The following SPINK5 variants were observed in gnomAD, a reference collection of about 807,000 sequenced individuals.
The protein encoded by SPINK5 is serine protease inhibitor Kazal-type 5.
Under a neutral mutation model 151.8 loss-of-function variants are expected in SPINK5, and 125 were observed. That is an observed-to-expected ratio of 0.82 (90% CI 0.71 to 0.96). The LOEUF is 0.96. SPINK5 is among the 40% of genes least tolerant of loss of function. The probability of loss-of-function intolerance (pLI) is 0.00; values close to 1 mark genes in which losing one functional copy is unlikely to be tolerated. For missense variants in SPINK5, 1,194 were observed against 1,291.9 expected (o/e 0.92, Z 1.16); for synonymous variants, 374 against 395.3 (o/e 0.95, Z 0.64).
intron 11 of SPINK5, 31 bp downstream of exon 11, chr5:148,098,025 A>C: frequency 6.2e-7 from 1 of 1,602,148 alleles, no homozygotes; most frequent in Non-Finnish European, 8.5e-7. Flanking sequence ...TGTCAAAGAA[A>C]GAAGGGATCT....
At position 148,064,057 on chromosome 5, in the gene SPINK5, A is replaced by G; in HGVS notation, c.13A>G (p.Thr5Ala). Residue 5 changes from threonine to alanine, a missense_variant, in exon 1 of 33, where the codon ACA becomes GCA. Thr to Ala is a moderately conservative substitution (Grantham distance 58, BLOSUM62 0). Transcript: ENST00000256084. MKIA[T>A]VSVLLPLALC... ...CATCGTCTTCAACATGAAGATAGCC[A>G]CAGTGTCAGTGCTTCTGCCCTTGGC... 6.2e-7 allele frequency: 1 copy of G among 1,614,198 alleles called. No individual in the cohort carries two copies. Among genetic ancestry groups the G allele is most frequent in the Non-Finnish European group, 8.5e-7 (1 of 1,180,042 alleles).
At chr5:148,129,141 G>A (rs73271171) in intron 30 of SPINK5, among the ~76,000 whole-genome samples, 1 of 152,086 alleles carries the variant, frequency 6.6e-6, no homozygotes, top group Non-Finnish European at 1.5e-5. Context: ...ATAGCAAAGC[G>A]TTTAGTGTTG....
rs771374840 is a variant in SPINK5, at chr5:148,108,716, A to C, written c.1608-37A>C. The C allele has an allele frequency of 8.1e-6, 13 of 1,603,574 alleles. No individual in the cohort carries two copies. The East Asian group carries it at 2.9e-4, about 36-fold the overall frequency. ...AAATGTACTACCAAAAAGAGTAGGGAATCATATTCAGCCTATATCTTCTTT... is the reference window on the plus strand; with the variant it reads ...AAATGTACTACCAAAAAGAGTAGGGCATCATATTCAGCCTATATCTTCTTT... On this transcript the variant is annotated intron_variant, in intron 17 of 32. Coordinates refer to ENST00000256084, the MANE Select transcript of SPINK5 (RefSeq NM_006846.4).
chr5:148,098,388 T>C (rs1159609284), intron 11 of SPINK5, among the ~76,000 whole-genome samples: 1 of 152,106 alleles, frequency 6.6e-6, no homozygotes, highest in Non-Finnish European at 1.5e-5. Flanking sequence ...GAAACAACAC[T>C]AAACTCCTAT....
At chr5:148,070,502 T>C in intron 3 of SPINK5, 52 bp downstream of exon 3, 1 of 1,605,060 alleles carries the variant, frequency 6.2e-7, no homozygotes, top group Non-Finnish European at 8.5e-7. Context: ...ACAGCTAGTC[T>C]CTGAACTGGT....
chr5:148,131,362 A>G lies in SPINK5; in HGVS notation c.3068A>G (p.Asn1023Ser). The part of the protein sequence containing the change: ...VCGDDGQTYN[N>S]PCMLCHENLI... ...GGTGACGATGGCCAAACCTACAACAATCCTTGCATGCTCTGTCATGAAAAC... is the reference window on the plus strand; with the variant it reads ...GGTGACGATGGCCAAACCTACAACAGTCCTTGCATGCTCTGTCATGAAAAC... Residue 1023 changes from asparagine to serine, a missense_variant, in exon 31 of 33, where the codon AAT becomes AGT. By Grantham distance (46) the Asn-to-Ser change is conservative. Transcript: ENST00000256084. 6.2e-7 allele frequency: 1 copy of G among 1,613,838 alleles called. No homozygotes were observed. Among genetic ancestry groups the G allele is most frequent in the South Asian group, 1.1e-5 (1 of 91,064 alleles).
intron 2 of SPINK5, among the ~76,000 whole-genome samples, chr5:148,066,057 A>G (rs904087948): frequency 1.3e-5 from 2 of 152,292 alleles, no homozygotes; most frequent in East Asian, 3.9e-4. Context: ...AAGGATAATC[A>G]GGGAAGTTCT....
At chr5:148,102,944 C>T (rs536570486) in intron 15 of SPINK5, among the ~76,000 whole-genome samples, 5 of 152,024 alleles carry the variant, frequency 3.3e-5, no homozygotes, top group Middle Eastern at 3.4e-3. Context: ...ATGGTATGGC[C>T]GGCCCTTCAA....
rs546693929 is a variant in SPINK5 at position 148,114,265 on chromosome 5, T to C, written c.1888-97T>C. 6.6e-5 allele frequency: 88 copies of C among 1,332,540 alleles called. No individual in the cohort carries two copies. In the African/African-American group the frequency reaches 1.4e-3, roughly 22 times the overall value. 82.5% of individuals were successfully genotyped at this position (1,332,540 alleles called of 1,614,324 possible). A position where few individuals can be genotyped will look rare whatever the true frequency, so the allele number is the denominator to read the frequency against. On this transcript the variant is annotated intron_variant, in intron 20 of 32. Transcript: ENST00000256084. The stretch of plus-strand genomic sequence containing the variant: ...GAAAAAAAATTCTCAGGTCATTTTC[T>C]CTCTCTTTTTTTTTTTTCTATAAAG...
intron 4 of SPINK5, among the ~76,000 whole-genome samples, chr5:148,085,803 G>A (rs931422603): frequency 1.3e-5 from 2 of 151,850 alleles, no homozygotes; most frequent in South Asian, 2.1e-4. Flanking sequence ...AACAATAAAT[G>A]GTTCTGTGTC....
Position 148,097,997 on chromosome 5 carries a change from G to A in SPINK5, c.1010+3G>A. 6.2e-7 allele frequency: 1 copy of A among 1,611,038 alleles called. No individual in the cohort carries two copies. The highest frequency in any genetic ancestry group is 8.5e-7 in the Non-Finnish European group (1 of 1,177,968). ...TGTTCCATGTGTCAAGCCTACTTGT[G>A]AGTATAGAGTTTTAGAATGTCAAAG... On this transcript the variant is annotated splice_donor_region_variant and intron_variant, in intron 11 of 32. Coordinates refer to ENST00000256084, the MANE Select transcript of SPINK5 (RefSeq NM_006846.4).
In SPINK5 at chr5:148,098,014, A is replaced by G. The variant is rs1439114517; in HGVS notation, c.1010+20A>G. 2 of 1,608,406 alleles carry G rather than the reference A, an allele frequency of 1.2e-6. No homozygotes were observed. The highest frequency in any genetic ancestry group is 8.5e-7 in the Non-Finnish European group (1 of 1,175,902). ...CTACTTGTGAGTATAGAGTTTTAGA[A>G]TGTCAAAGAAAGAAGGGATCTTGCA... is the stretch of plus-strand genomic sequence containing the variant. On this transcript the variant is annotated intron_variant, in intron 11 of 32. Transcript: ENST00000256084.
rs1268068282 is a variant in SPINK5, at chr5:148,107,083, T to C, written c.1526T>C (p.Ile509Thr). Reference sequence around the variant, plus strand: ...GACCAAGTGAGGAATGGAACACTTATATGCACCAGGGAGCATAATCCTGTC... The same window carrying C: ...GACCAAGTGAGGAATGGAACACTTACATGCACCAGGGAGCATAATCCTGTC... ...FRDQVRNGTL[I>T]CTREHNPVRG... Residue 509 changes from isoleucine (I) to threonine (T), a missense_variant, in exon 17 of 33, where the codon ATA (isoleucine) becomes ACA (threonine). Transcript: ENST00000256084. 2.5e-6 allele frequency: 4 copies of C among 1,613,338 alleles called. No individual in the cohort carries two copies. Among genetic ancestry groups the C allele is most frequent in the African/African-American group, 2.7e-5 (2 of 75,014 alleles).
At position 148,072,142 on chromosome 5, in the gene SPINK5, T is replaced by C. The variant is rs1337387762; in HGVS notation, c.210-6T>C. Reference sequence around the variant, plus strand: ...TTAAACTATGCTATTTCTTGTCCTTTTCCAGGGAAAAAGAAGCAAAATCAC... The same window carrying C: ...TTAAACTATGCTATTTCTTGTCCTTCTCCAGGGAAAAAGAAGCAAAATCAC... On this transcript the variant is annotated splice_region_variant and splice_polypyrimidine_tract_variant and intron_variant, in intron 3 of 32. Coordinates refer to ENST00000256084, the MANE Select transcript of SPINK5 (RefSeq NM_006846.4). The C allele has an allele frequency of 1.2e-6, 2 of 1,611,628 alleles. No individual in the cohort carries two copies. Among genetic ancestry groups the C allele is most frequent in the African/African-American group, 2.7e-5 (2 of 74,794 alleles).
intron 4 of SPINK5, among the ~76,000 whole-genome samples, chr5:148,082,583 AT>A (rs1214406728): frequency 1.4e-5 from 2 of 145,192 alleles, no homozygotes; most frequent in Non-Finnish European, 3.1e-5. Flanking sequence ...TTCTGCTTTT[AT>A]GAATGTTTTA....
In SPINK5 at chr5:148,104,937, T is replaced by C. The variant is rs1561691211; in HGVS notation, c.1431-15T>C. On this transcript the variant is annotated splice_polypyrimidine_tract_variant and intron_variant, in intron 15 of 32. Coordinates refer to ENST00000256084, the MANE Select transcript of SPINK5 (RefSeq NM_006846.4). ...AATCCATTTCTTCTCTCTTTTTCTT[T>C]TCGGTTTCTTAAAGTCAACAAGAAG... 1.2e-6 allele frequency: 2 copies of C among 1,609,622 alleles called. No individual in the cohort carries two copies. The highest frequency in any genetic ancestry group is 1.7e-6 in the Non-Finnish European group (2 of 1,178,298).
chr5:148,124,192 A>G (rs1581106932), intron 27 of SPINK5, among the ~76,000 whole-genome samples: 1 of 152,222 alleles, frequency 6.6e-6, no homozygotes, highest in Non-Finnish European at 1.5e-5. Context: ...CTTATCAGCT[A>G]GGTAACCTGG....
chr5:148,114,847 C>T (rs1296743616), intron 21 of SPINK5, among the ~76,000 whole-genome samples: 1 of 152,124 alleles, frequency 6.6e-6, no homozygotes, highest in Non-Finnish European at 1.5e-5. Context: ...AAAGTCCTTA[C>T]CTACATTGTT....
chr5:148,065,312 T>G, intron 1 of SPINK5, 35 bp from the exon 2 acceptor site: 1 of 1,606,696 alleles, frequency 6.2e-7, no homozygotes, highest in Non-Finnish European at 8.5e-7. Flanking sequence ...ATATTTTACA[T>G]TTCCTTAACT....
Sources: allele counts gnomAD v4.1 joint callset (sites outside exome capture counted in the v4.1 genomes callset), GRCh38; gene constraint gnomAD v4.1.1; transcripts MANE v1.5; gene names NCBI Gene and HGNC (gene_info 2026-07-23, HGNC 2026-07-21).